SVOP: variants seen among roughly 807,000 people sequenced by gnomAD.
SVOP encodes the protein synaptic vesicle 2-related protein.
In SVOP, 17 loss-of-function variants were observed where a neutral mutation model predicts 69.1. The ratio of observed to expected loss-of-function variants is 0.25; its 90% CI spans 0.17 to 0.37. The LOEUF (loss-of-function observed/expected upper bound fraction) is 0.37, where lower values mean the gene tolerates loss of function less well. SVOP is among the 10% of genes least tolerant of loss of function. SVOP has a pLI of 1.00. For synonymous variants in SVOP, 238 were observed against 238.6 expected, an observed-to-expected ratio of 1.00 and a Z score of 0.02; for missense variants, 435 against 597.5, an observed-to-expected ratio of 0.73 and a Z score of 2.84.
chr12:108,995,737 C>A (rs893531543), intron 1 of SVOP, among the ~76,000 whole-genome samples: 1 of 151,886 alleles, frequency 6.6e-6, no homozygotes, highest in Non-Finnish European at 1.5e-5. Flanking sequence ...CCTGTCTCTA[C>A]TGAAAATACA....
chr12:108,958,801 T>C (rs1318018595), intron 6 of SVOP, among the ~76,000 whole-genome samples: 49 of 152,108 alleles, frequency 3.2e-4, no homozygotes, highest in Admixed American at 3.1e-3. Context: ...CCACATCCGA[T>C]GCCTGGTTGG....
intron 12 of SVOP, among the ~76,000 whole-genome samples, chr12:108,921,336 T>C (rs2039746840): frequency 6.6e-6 from 1 of 152,198 alleles, no homozygotes; most frequent in Non-Finnish European, 1.5e-5. Context: ...CGCTGCCTGC[T>C]GTGGGGTACT....
chr12:108,963,473 A>G (rs2040027845), intron 5 of SVOP, among the ~76,000 whole-genome samples: 1 of 151,672 alleles, frequency 6.6e-6, no homozygotes, highest in South Asian at 2.1e-4. Context: ...TTTAACACCT[A>G]TTTATCTATT....
In SVOP at chr12:108,938,913, G is replaced by C; in HGVS notation, c.811C>G (p.Gln271Glu). ...SARYDVLSGN[Q>E]EKAIATLKRI... ...TTTAAGGTGGCGATTGCCTTTTCCT[G>C]GTTCCCTGACAGCACATCATACCTT... is the stretch of plus-strand genomic sequence containing the variant. Residue 271 changes from glutamine (Q) to glutamate (E), a missense_variant, in exon 9 of 16, where the codon CAG becomes GAG. Gln to Glu is a conservative substitution (Grantham distance 29, BLOSUM62 2). Coordinates refer to ENST00000610966, the MANE Select transcript of SVOP (RefSeq NM_018711.5). 1 of 1,613,984 alleles carries C rather than the reference G, an allele frequency of 6.2e-7. No homozygotes were observed. The highest frequency in any genetic ancestry group is 8.5e-7 in the Non-Finnish European group (1 of 1,179,882).
At chr12:108,989,039 C>T (rs2137443035) in intron 1 of SVOP, among the ~76,000 whole-genome samples, 1 of 152,282 alleles carries the variant, frequency 6.6e-6, no homozygotes, top group Admixed American at 6.5e-5. Flanking sequence ...TCCCAAAGTG[C>T]TGGTATTACA....
chr12:108,993,314 C>T (rs989054696), intron 1 of SVOP, among the ~76,000 whole-genome samples: 2 of 151,520 alleles, frequency 1.3e-5, no homozygotes, highest in East Asian at 1.9e-4. Context: ...AGCTGCAAGA[C>T]CCCATTTCTA....
chr12:108,987,519 G>C (rs189272317), intron 1 of SVOP, among the ~76,000 whole-genome samples: 1 of 152,328 alleles, frequency 6.6e-6, no homozygotes, highest in Admixed American at 6.5e-5. Flanking sequence ...GGAATTGCCA[G>C]AATGTCTTCC....
At chr12:108,959,972 G>A (rs185827872) in intron 6 of SVOP, among the ~76,000 whole-genome samples, 4 of 152,234 alleles carry the variant, frequency 2.6e-5, no homozygotes, top group Admixed American at 2.6e-4. Context: ...TGTAAAATGG[G>A]GTTAATAATA....
rs992073841 is a variant in SVOP, at chr12:108,907,924, C to T, written c.*4611G>A. 6.6e-6 allele frequency: 1 copy of T among 152,268 alleles called. No homozygotes were observed. The highest frequency in any genetic ancestry group is 2.4e-5 in the African/African-American group (1 of 41,458). 9.4% of individuals were successfully genotyped at this position (152,268 alleles called of 1,614,324 possible). A position where few individuals can be genotyped will look rare whatever the true frequency, so the allele number is the denominator to read the frequency against. ...CATGTCACTGCAGATTCCAGGCATACCAGCAATTGTCTGCACCACCCTGCT... is the reference window on the plus strand; with the variant it reads ...CATGTCACTGCAGATTCCAGGCATATCAGCAATTGTCTGCACCACCCTGCT... On this transcript the variant is annotated 3_prime_UTR_variant, in exon 16 of 16. Coordinates refer to ENST00000610966, the MANE Select transcript of SVOP (RefSeq NM_018711.5).
At position 108,945,160 on chromosome 12, in the gene SVOP, C is replaced by T. The variant is rs760726416; in HGVS notation, c.585G>A (p.Thr195=). The T allele has an allele frequency of 2.5e-5, 39 of 1,536,924 alleles. No individual in the cohort carries two copies. Among genetic ancestry groups the T allele is most frequent in the East Asian group, 2.4e-4 (10 of 40,914 alleles). ...FGIGGVPQSV[T]LYAEFLPMKA... ...TCATGGGAAGGAACTCGGCATACAG[C>T]GTCACCCTGGGAATGTAAAAGGGAA... is the stretch of plus-strand genomic sequence containing the variant. Residue 195 remains threonine, a synonymous_variant, in exon 7 of 16, where the codon ACG becomes ACA. Transcript: ENST00000610966.
At chr12:109,014,686 C>T (rs1046310888) in intron 1 of SVOP, among the ~76,000 whole-genome samples, 2 of 152,192 alleles carry the variant, frequency 1.3e-5, no homozygotes, top group Non-Finnish European at 2.9e-5. Flanking sequence ...AATTTCTCTA[C>T]ATCCTCACCA....
chr12:108,959,935 A>G (rs2040007971), intron 6 of SVOP, among the ~76,000 whole-genome samples: 2 of 152,080 alleles, frequency 1.3e-5, no homozygotes. Flanking sequence ...AAGTTACTTT[A>G]CCTCTCTGTG....
chr12:108,966,278 A>G (rs2040045145), intron 5 of SVOP, among the ~76,000 whole-genome samples: 1 of 152,190 alleles, frequency 6.6e-6, no homozygotes, highest in Non-Finnish European at 1.5e-5. Context: ...ACCTCAGTCA[A>G]CAGGGGTGCA....
At chr12:108,956,417 G>C (rs936036503) in intron 6 of SVOP, among the ~76,000 whole-genome samples, 5 of 152,102 alleles carry the variant, frequency 3.3e-5, no homozygotes, top group African/African-American at 1.2e-4. Flanking sequence ...CCCTGAGGGG[G>C]TGGGCGCTCT....
rs1037110695 is a variant in SVOP, at chr12:108,983,679, C to G, written c.118G>C (p.Gly40Arg). 3 of 398,838 alleles carry G rather than the reference C, an allele frequency of 7.5e-6. No homozygotes were observed. In the East Asian group the frequency reaches 1.1e-4, roughly 14 times the overall value. The allele number at this position is 398,838 out of a possible 1,614,324, so 24.7% of individuals were successfully genotyped here. The change falls in exon 2 of 16, where the codon GGG becomes CGG. Residue 40 changes from glycine to arginine, a missense_variant. Transcript: ENST00000610966. ...ACAGCCTCTAGGCCCACGTGGACCC[C>G]TTCAATCTGGACTTCATGCTCTCCT... is the stretch of plus-strand genomic sequence containing the variant. ...ASGEHEVQIE[G>R]VHVGLEAVEL...
intron 11 of SVOP, among the ~76,000 whole-genome samples, chr12:108,933,367 A>G (rs1369736691): frequency 7.0e-6 from 1 of 142,452 alleles, no homozygotes; most frequent in Non-Finnish European, 1.5e-5. Flanking sequence ...AAAGAATGAG[A>G]CCTTGTCTCA....
At chr12:109,006,812 T>C (rs1227408527) in intron 1 of SVOP, among the ~76,000 whole-genome samples, 1 of 152,156 alleles carries the variant, frequency 6.6e-6, no homozygotes, top group Admixed American at 6.6e-5. Flanking sequence ...GTGAGCTGTT[T>C]GCTATTTCTA....
chr12:108,991,157 G>A (rs1414593843), intron 1 of SVOP, among the ~76,000 whole-genome samples: 3 of 152,158 alleles, frequency 2.0e-5, no homozygotes, highest in Non-Finnish European at 4.4e-5. Flanking sequence ...TCTGGAGCTG[G>A]GGCATCCCTT....
At chr12:109,014,018 C>CT (rs377526459) in intron 1 of SVOP, among the ~76,000 whole-genome samples, 128,186 of 137,686 alleles carry the variant, frequency 0.93, 60,220 homozygotes, top group Non-Finnish European at 0.98. Context: ...AATTTCCTTC[C>CT]TTTTTTTTTT....
Sources: gnomAD v4.1 joint callset for allele counts (sites outside exome capture counted in the v4.1 genomes callset) on GRCh38, gnomAD v4.1.1 for gene constraint, MANE v1.5 for transcripts, NCBI Gene and HGNC (gene_info 2026-07-23, HGNC 2026-07-21) for gene names.